The following JMJD7 variants were observed in gnomAD, a reference collection of about 807,000 sequenced individuals.
The protein encoded by JMJD7 is bifunctional peptidase and (3S)-lysyl hydroxylase JMJD7.
A neutral mutation model predicts 41.1 loss-of-function variants in JMJD7; 41 were observed. The observed-to-expected ratio is 1.00, with a 90% CI of 0.78 to 1.30. The LOEUF (loss-of-function observed/expected upper bound fraction) is 1.30. Ranked by LOEUF, JMJD7 falls within the 50% of genes most tolerant of loss-of-function variation. The pLI is 0.00. For synonymous variants in JMJD7, 202 were observed against 177.2 expected (o/e 1.14, Z -1.11); for missense variants, 480 against 420.7 (o/e 1.14, Z -1.23).
chr15:41,836,110 C>T (rs1414856590), intron 4 of JMJD7, 38 bp from the exon 5 acceptor site: 1 of 1,558,760 alleles, frequency 6.4e-7, no homozygotes, highest in East Asian at 2.3e-5. Flanking sequence ...TGCCCCTGCC[C>T]TCCATACCCT....
chr15:41,835,159 C>T lies in JMJD7; in HGVS notation c.408C>T (p.Pro136=). 6.2e-7 allele frequency: 1 copy of T among 1,605,482 alleles called. No individual in the cohort carries two copies. The highest frequency in any genetic ancestry group is 8.5e-7 in the Non-Finnish European group (1 of 1,179,974). Residue 136 remains proline, a synonymous_variant, in exon 3 of 8, where the codon CCC becomes CCT. Transcript: ENST00000397299. ...LYVQKQCSNL[P]SELPQLLPDL... The stretch of plus-strand genomic sequence containing the variant: ...TGCAGAAGCAGTGCTCCAACCTGCC[C>T]AGCGAGCTGCCCCAGCTGCTGCCTG...
At chr15:41,834,325 A>C (rs2065277370) in intron 1 of JMJD7, among the ~76,000 whole-genome samples, 1 of 152,248 alleles carries the variant, frequency 6.6e-6, no homozygotes, top group Non-Finnish European at 1.5e-5. Context: ...CCAGAGCCAC[A>C]CAACACCCAG....
intron 1 of JMJD7, 26 bp from the exon 2 acceptor site, chr15:41,834,714 A>T: frequency 1.2e-6 from 2 of 1,610,536 alleles, no homozygotes; most frequent in Non-Finnish European, 1.7e-6. Flanking sequence ...CAGCCCTTCC[A>T]TCCCCTGTCT....
chr15:41,832,611 C>G (rs2065244966), intron 1 of JMJD7: 1 of 152,200 alleles, frequency 6.6e-6, no homozygotes, highest in South Asian at 2.1e-4. Flanking sequence ...TTGCCTCTAG[C>G]CAGGGAAGCA....
At chr15:41,834,395 C>A (rs1270685381) in intron 1 of JMJD7, among the ~76,000 whole-genome samples, 1 of 152,240 alleles carries the variant, frequency 6.6e-6, no homozygotes. Context: ...ATGCCACTTC[C>A]ATGGTGGCCT....
At chr15:41,828,483 C>A in intron 1 of JMJD7, 1 of 318,562 alleles carries the variant, frequency 3.1e-6, no homozygotes. Flanking sequence ...GAAAGCTCAT[C>A]GAAGGCACAC....
intron 1 of JMJD7, among the ~76,000 whole-genome samples, chr15:41,828,735 G>A (rs1044080934): frequency 8.5e-5 from 13 of 152,058 alleles, no homozygotes; most frequent in African/African-American, 9.7e-5. Flanking sequence ...ACAGTGGTAC[G>A]CAATGTAAAT....
rs189385257 is a variant in JMJD7 at position 41,833,733 on chromosome 15, C to T, written c.65-1007C>T. Among the ~76,000 whole-genome samples the T allele has an allele frequency of 1.4e-3, 219 of 151,984 alleles. 2 individuals carry two copies. The highest frequency in any genetic ancestry group is 5.1e-3 in the African/African-American group (211 of 41,462). ...CCACGTCTAGCCCTAAAATATATAG[C>T]ATGTCAGATGGTGATGAATGCTAAC... On this transcript the variant is annotated intron_variant, in intron 1 of 7. Transcript: ENST00000397299.
chr15:41,836,953 C>T lies in JMJD7; in HGVS notation c.862+13C>T, dbSNP rs1325440444. ...GGCTGCATCGCAGGTGAAGAGTTGC[C>T]CAGGCCGCCTGGGGAGAGGCCCTGT... On this transcript the variant is annotated intron_variant, in intron 7 of 7. Transcript: ENST00000397299. 1 of 1,611,894 alleles carries T rather than the reference C, an allele frequency of 6.2e-7. No individual in the cohort carries two copies. The highest frequency in any genetic ancestry group is 1.7e-5 in the Admixed American group (1 of 59,982).
chr15:41,828,148 C>A lies in JMJD7; in HGVS notation c.24C>A (p.Ala8=). 6.7e-7 allele frequency: 1 copy of A among 1,483,860 alleles called. No individual in the cohort carries two copies. The highest frequency in any genetic ancestry group is 8.9e-7 in the Non-Finnish European group (1 of 1,124,138). 91.9% of individuals were successfully genotyped at this position (1,483,860 alleles called of 1,614,324 possible). ...CCATGGCGGAGGCGGCTTTGGAAGC[C>A]GTGCGGAGCGAGTTACGAGAATTCC... The part of the protein sequence containing the change: MAEAALE[A]VRSELREFPA... Residue 8 remains alanine, a synonymous_variant, in exon 1 of 8, where the codon GCC becomes GCA. Transcript: ENST00000397299.
chr15:41,828,808 A>G (rs891402801), intron 1 of JMJD7, among the ~76,000 whole-genome samples: 1 of 152,184 alleles, frequency 6.6e-6, no homozygotes, highest in Non-Finnish European at 1.5e-5. Context: ...ATATCCGTGC[A>G]CACACGACTT....
intron 4 of JMJD7, 103 bp from the exon 5 acceptor site, chr15:41,836,045 G>A (rs2065308116): frequency 1.6e-6 from 2 of 1,267,128 alleles, no homozygotes; most frequent in Admixed American, 2.4e-5. Context: ...CTTCTCTTTT[G>A]TCATAGGACG....
rs770657578 is a variant in JMJD7, at chr15:41,834,801, C to T, written c.126C>T (p.Tyr42=). 56 of 1,614,112 alleles carry T rather than the reference C, an allele frequency of 3.5e-5. No individual in the cohort carries two copies. The highest frequency in any genetic ancestry group is 1.6e-4 in the Middle Eastern group (1 of 6,084). The change falls in exon 2 of 8, where the codon TAC becomes TAT. Residue 42 remains tyrosine (Y), a synonymous_variant. Transcript: ENST00000397299. The part of the protein sequence containing the change: ...LDKPPTPLHF[Y]RDWVCPNRPC... The stretch of plus-strand genomic sequence containing the variant: ...AACCCCCAACTCCGCTCCACTTCTA[C>T]CGGGACTGGGTCTGCCCCAACAGGC...
chr15:41,836,267 G>C (rs549674184), intron 5 of JMJD7, 24 bp downstream of exon 5: 3 of 1,611,732 alleles, frequency 1.9e-6, no homozygotes, highest in Non-Finnish European at 2.5e-6. Context: ...CCTGCAGGGA[G>C]GGGCTGGGGA....
In JMJD7 at chr15:41,836,876, T is replaced by C. The variant is rs551244016; in HGVS notation, c.798T>C (p.Gly266=). The C allele has an allele frequency of 1.9e-5, 30 of 1,613,354 alleles. No homozygotes were observed. The East Asian group carries it at 6.7e-4, about 36-fold the overall frequency. Residue 266 remains glycine (G), a synonymous_variant, in exon 7 of 8, where the codon GGT becomes GGC. Coordinates refer to ENST00000397299, the MANE Select transcript of JMJD7 (RefSeq NM_001114632.2). Reference sequence around the variant, plus strand: ...CCCTTCGCTGCACGGTGCGGGCCGGTGAGATGCTCTATCTGCCGGCTCTGT... The same window carrying C: ...CCCTTCGCTGCACGGTGCGGGCCGGCGAGATGCTCTATCTGCCGGCTCTGT... ...AQALRCTVRA[G]EMLYLPALWF... is the part of the protein sequence containing the mutation.
At chr15:41,835,567 T>G (rs772494083) in intron 3 of JMJD7, 21 bp from the exon 4 acceptor site, 1 of 1,611,060 alleles carries the variant, frequency 6.2e-7, no homozygotes, top group East Asian at 2.2e-5. Flanking sequence ...CCTAACTTGC[T>G]CTCTGCCTTC....
At position 41,836,461 on chromosome 15, in the gene JMJD7, C is replaced by A. The variant is rs770851492; in HGVS notation, c.626-14C>A. 1 of 1,572,228 alleles carries A rather than the reference C, an allele frequency of 6.4e-7. No homozygotes were observed. The highest frequency in any genetic ancestry group is 1.2e-5 in the South Asian group (1 of 85,788). On this transcript the variant is annotated splice_polypyrimidine_tract_variant and intron_variant, in intron 5 of 7. Coordinates refer to ENST00000397299, the MANE Select transcript of JMJD7 (RefSeq NM_001114632.2). Reference sequence around the variant, plus strand: ...GTTTGCAATTCCCCCACACCCTTCTCCCTTGGGCTCCAGAGCTGTACACGC... The same window carrying A: ...GTTTGCAATTCCCCCACACCCTTCTACCTTGGGCTCCAGAGCTGTACACGC...
chr15:41,837,262 G>T lies in JMJD7; in HGVS notation c.*106G>T. 1.3e-6 allele frequency: 1 copy of T among 741,330 alleles called. No individual in the cohort carries two copies. The highest frequency in any genetic ancestry group is 2.3e-6 in the Non-Finnish European group (1 of 441,070). 45.9% of individuals were successfully genotyped at this position (741,330 alleles called of 1,614,324 possible). A position where few individuals can be genotyped will look rare whatever the true frequency, so the allele number is the denominator to read the frequency against. On this transcript the variant is annotated 3_prime_UTR_variant, in exon 8 of 8. Coordinates refer to ENST00000397299, the MANE Select transcript of JMJD7 (RefSeq NM_001114632.2). ...CCTGGAGTGTGCATGCTGGCTGCTGGCCCCGGGTCCAGCATGGCTTGAGAT... is the reference window on the plus strand; with the variant it reads ...CCTGGAGTGTGCATGCTGGCTGCTGTCCCCGGGTCCAGCATGGCTTGAGAT...
intron 1 of JMJD7, among the ~76,000 whole-genome samples, chr15:41,828,768 C>G (rs1480730677): frequency 2.6e-5 from 4 of 152,176 alleles, no homozygotes; most frequent in African/African-American, 9.7e-5. Context: ...CCTCCCAGCC[C>G]CAGTTTGCAT....
Sources: allele counts gnomAD v4.1 joint callset (sites outside exome capture counted in the v4.1 genomes callset), GRCh38; gene constraint gnomAD v4.1.1; transcripts MANE v1.5; gene names NCBI Gene and HGNC (gene_info 2026-07-23, HGNC 2026-07-21).